ZNF215: variants seen among roughly 807,000 people sequenced by gnomAD.
ZNF215 encodes zinc finger protein 215.
A neutral mutation model predicts 27.2 loss-of-function variants in ZNF215; 24 were observed. The observed-to-expected ratio is 0.88, with a 90% CI of 0.64 to 1.24. The LOEUF is 1.24. Among genes scored for constraint, ZNF215 ranks in the 50% most tolerant of loss-of-function variants. The pLI is 0.00. For missense variants in ZNF215, 675 were observed against 605.7 expected (o/e 1.11, Z -1.20); for synonymous variants, 210 against 204.0 (o/e 1.03, Z -0.25).
At chr11:6,965,596 C>T (rs2133326382) in intron 5 of ZNF215, among the ~76,000 whole-genome samples, 1 of 152,204 alleles carries the variant, frequency 6.6e-6, no homozygotes, top group Middle Eastern at 3.4e-3. Context: ...TATCAGTCTT[C>T]TGTAGGTTTC....
intron 6 of ZNF215, among the ~76,000 whole-genome samples, chr11:6,953,351 C>G (rs1244345921): frequency 6.6e-6 from 1 of 152,184 alleles, no homozygotes; most frequent in Non-Finnish European, 1.5e-5. Context: ...GTTCCATTTT[C>G]CCCGTCACTT....
At chr11:6,976,106 C>A (rs1325484486) in intron 5 of ZNF215, among the ~76,000 whole-genome samples, 1 of 151,928 alleles carries the variant, frequency 6.6e-6, no homozygotes, top group African/African-American at 2.4e-5. Flanking sequence ...ATGTTGAGCA[C>A]CTTTTCATGT....
intron 2 of ZNF215, among the ~76,000 whole-genome samples, chr11:6,930,261 A>G (rs1849208771): frequency 6.6e-6 from 1 of 152,146 alleles, no homozygotes; most frequent in Non-Finnish European, 1.5e-5. Context: ...GGAGCTAATT[A>G]TTCTTTTGCT....
At chr11:6,975,314 G>A (rs1422713657) in intron 5 of ZNF215, among the ~76,000 whole-genome samples, 1 of 151,942 alleles carries the variant, frequency 6.6e-6, no homozygotes, top group African/African-American at 2.4e-5. Flanking sequence ...TTTTGATAGA[G>A]GCATGCAATG....
At chr11:6,988,261 A>T, downstream of ZNF215, 3 of 985,572 alleles carry the variant, frequency 3.0e-6, no homozygotes, top group Non-Finnish European at 3.6e-6. Flanking sequence ...TAAGCACTGC[A>T]GGAGAAGATG....
In ZNF215 at chr11:6,932,350, A is replaced by G. The variant is rs752782696; in HGVS notation, c.78A>G (p.Arg26=). ...LSLREQREVL[R]ADMSWQQETN... is the part of the protein sequence containing the mutation. ...TACGTGAACAAAGAGAGGTTCTGAG[A>G]GCAGATATGTCTTGGCAGCAGGAAA... Residue 26 remains arginine (R), a synonymous_variant, in exon 3 of 7, where the codon AGA becomes AGG. Transcript: ENST00000278319. 3 of 1,614,194 alleles carry G rather than the reference A, an allele frequency of 1.9e-6. No homozygotes were observed. In the South Asian group the frequency reaches 3.3e-5, roughly 18 times the overall value.
At chr11:6,989,235 T>C (rs950122207), downstream of ZNF215, among the ~76,000 whole-genome samples, 2 of 152,010 alleles carry the variant, frequency 1.3e-5, no homozygotes, top group Non-Finnish European at 2.9e-5. Context: ...GTAAAAACTT[T>C]TGCACCAAGC....
At chr11:6,954,232 G>C (rs1044273913) in intron 6 of ZNF215, among the ~76,000 whole-genome samples, 9 of 152,218 alleles carry the variant, frequency 5.9e-5, no homozygotes, top group African/African-American at 1.9e-4. Context: ...CAGATCTCCA[G>C]CTGCGTGCTG....
chr11:6,953,282 G>T (rs1328775651), intron 6 of ZNF215, among the ~76,000 whole-genome samples: 1 of 152,194 alleles, frequency 6.6e-6, no homozygotes, highest in Non-Finnish European at 1.5e-5. Context: ...ATGTTGGCCT[G>T]CCTTGCTAGA....
At chr11:6,937,701 T>C (rs552511916) in intron 3 of ZNF215, among the ~76,000 whole-genome samples, 1 of 151,886 alleles carries the variant, frequency 6.6e-6, no homozygotes, top group Non-Finnish European at 1.5e-5. Flanking sequence ...AACTCATACA[T>C]CTATGTCCAG....
intron 5 of ZNF215, among the ~76,000 whole-genome samples, chr11:6,977,680 C>T (rs1850859509): frequency 6.6e-6 from 1 of 151,874 alleles, no homozygotes; most frequent in East Asian, 1.9e-4. Flanking sequence ...GAAAACCAAA[C>T]CTGCTGACAC....
In ZNF215 at chr11:6,976,748, C is replaced by T. The variant is rs141566814; in HGVS notation, c.806-7381C>T. The stretch of plus-strand genomic sequence containing the variant: ...GCTCTAGCTGAGTGATTACAATTGA[C>T]TTGAAAAATCAGTATCTTGTTTGTG... On this transcript the variant is annotated intron_variant, in intron 5 of 5. Transcript: ENST00000529903. Among the ~76,000 whole-genome samples the T allele has an allele frequency of 4.9e-4, 74 of 152,156 alleles. 1 individual carries two copies. The East Asian group carries it at 0.013, about 27-fold the overall frequency.
downstream of ZNF215, chr11:6,988,773 A>G (rs566628956): frequency 1.8e-4 from 27 of 152,334 alleles, no homozygotes; most frequent in African/African-American, 6.3e-4. Context: ...GAGATATGCT[A>G]AAGATGTTTT....
At chr11:6,982,953 A>G (rs1850989105) in intron 5 of ZNF215, among the ~76,000 whole-genome samples, 1 of 150,360 alleles carries the variant, frequency 6.7e-6, no homozygotes, top group African/African-American at 2.5e-5. Context: ...CCTTCAAAAA[A>G]TTAGTGAATC....
At chr11:6,939,561 C>T (rs552130024) in intron 3 of ZNF215, among the ~76,000 whole-genome samples, 8 of 152,042 alleles carry the variant, frequency 5.3e-5, no homozygotes, top group Non-Finnish European at 1.2e-4. Flanking sequence ...AGAACAATTT[C>T]CAAGATCGTA....
chr11:6,947,336 A>C (rs1849853203), intron 6 of ZNF215, among the ~76,000 whole-genome samples: 1 of 152,192 alleles, frequency 6.6e-6, no homozygotes, highest in African/African-American at 2.4e-5. Flanking sequence ...CCAAGGCAGG[A>C]GGACTTCTTG....
intron 5 of ZNF215, among the ~76,000 whole-genome samples, chr11:6,982,625 A>T (rs1304144155): frequency 6.6e-6 from 1 of 152,188 alleles, no homozygotes; most frequent in Non-Finnish European, 1.5e-5. Flanking sequence ...ACTCAACTAC[A>T]TGGAAACTGA....
At chr11:6,977,590 G>C (rs886356257) in intron 5 of ZNF215, among the ~76,000 whole-genome samples, 4 of 151,918 alleles carry the variant, frequency 2.6e-5, no homozygotes, top group Non-Finnish European at 4.4e-5. Context: ...TGTAAGAAGA[G>C]GAGATTTGGA....
chr11:6,989,852 G>A (rs2133366011), downstream of ZNF215, among the ~76,000 whole-genome samples: 1 of 152,248 alleles, frequency 6.6e-6, no homozygotes, highest in East Asian at 1.9e-4. Context: ...TGTAACCTGA[G>A]TATGCCCAGA....
Sources: gnomAD v4.1 joint callset for allele counts (sites outside exome capture counted in the v4.1 genomes callset) on GRCh38, gnomAD v4.1.1 for gene constraint, MANE v1.5 for transcripts, NCBI Gene and HGNC (gene_info 2026-07-23, HGNC 2026-07-21) for gene names.